The following GREM2 variants were observed in gnomAD, a reference collection of about 807,000 sequenced individuals.
The protein encoded by GREM2 is gremlin 2, DAN family BMP antagonist.
GREM2 carries 11 observed loss-of-function variants against 14.2 expected under a neutral mutation model. The observed-to-expected ratio is 0.78, with a 90% CI of 0.49 to 1.28. GREM2 has a LOEUF of 1.28. Ranked by LOEUF, GREM2 falls within the 50% of genes most tolerant of loss-of-function variation. GREM2 has a pLI of 0.00. For synonymous variants in GREM2, 98 were observed against 97.6 expected, an observed-to-expected ratio of 1.00 and a Z score of -0.02; for missense variants, 210 against 218.5, an observed-to-expected ratio of 0.96 and a Z score of 0.24.
chr1:240,502,278 A>G (rs1231955069), intron 1 of GREM2, among the ~76,000 whole-genome samples: 1 of 152,210 alleles, frequency 6.6e-6, no homozygotes, highest in Admixed American at 6.5e-5. Context: ...TACTTGCTGT[A>G]TGTTAGTTTG....
chr1:240,600,553 G>A (rs558894438), intron 1 of GREM2, among the ~76,000 whole-genome samples: 12 of 151,868 alleles, frequency 7.9e-5, no homozygotes, highest in South Asian at 2.1e-4. Context: ...GCACGGTCTC[G>A]GCTCACTACA....
intron 1 of GREM2, among the ~76,000 whole-genome samples, chr1:240,494,194 C>G (rs1211208755): frequency 6.6e-6 from 1 of 152,184 alleles, no homozygotes; most frequent in African/African-American, 2.4e-5. Flanking sequence ...CTCATTTCAT[C>G]CTAAAAATAG....
At chr1:240,528,356 A>G (rs866686989) in intron 1 of GREM2, among the ~76,000 whole-genome samples, 1 of 152,166 alleles carries the variant, frequency 6.6e-6, no homozygotes, top group African/African-American at 2.4e-5. Context: ...TGTGAATTTC[A>G]TGAAGCAGAG....
intron 1 of GREM2, among the ~76,000 whole-genome samples, chr1:240,503,165 G>T (rs529508861): frequency 2.6e-5 from 4 of 152,180 alleles, no homozygotes; most frequent in Non-Finnish European, 5.9e-5. Context: ...GTACTCAGCA[G>T]CCCTGGAACT....
At chr1:240,529,194 C>T (rs1400100275) in intron 1 of GREM2, among the ~76,000 whole-genome samples, 1 of 150,482 alleles carries the variant, frequency 6.6e-6, no homozygotes, top group Non-Finnish European at 1.5e-5. Flanking sequence ...TCATTAAAAT[C>T]CATCTTGTGC....
intron 1 of GREM2, among the ~76,000 whole-genome samples, chr1:240,590,459 C>T (rs1218998916): frequency 6.7e-5 from 9 of 134,180 alleles, no homozygotes; most frequent in African/African-American, 8.2e-5. Flanking sequence ...GATAGAGTTT[C>T]GTTCTTATGG....
intron 1 of GREM2, among the ~76,000 whole-genome samples, chr1:240,534,944 A>G (rs544802267): frequency 6.6e-6 from 1 of 152,166 alleles, no homozygotes; most frequent in South Asian, 2.1e-4. Context: ...ACACAGCAGG[A>G]CGAGTGGGTC....
chr1:240,496,838 C>T (rs9729770), intron 1 of GREM2, among the ~76,000 whole-genome samples: 12,759 of 152,108 alleles, frequency 0.084, 666 homozygotes, highest in African/African-American at 0.15. Context: ...GGTGAAACCC[C>T]GTCTCTACTA....
At chr1:240,609,643 G>A (rs1023546222) in intron 1 of GREM2, among the ~76,000 whole-genome samples, 2 of 152,064 alleles carry the variant, frequency 1.3e-5, no homozygotes, top group Non-Finnish European at 2.9e-5. Flanking sequence ...CTGAGAACAT[G>A]CCTGCAACCT....
At chr1:240,582,141 A>G (rs1679496789) in intron 1 of GREM2, among the ~76,000 whole-genome samples, 1 of 152,238 alleles carries the variant, frequency 6.6e-6, no homozygotes, top group South Asian at 2.1e-4. Flanking sequence ...ATAATTCATT[A>G]GAAGAGTTTA....
rs1451720821 is a variant in GREM2 at position 240,542,050 on chromosome 1, T to C, written c.-1-48574A>G. 6.6e-6 allele frequency among the ~76,000 whole-genome samples: 1 copy of C among 152,176 alleles called. No individual in the cohort carries two copies. Among genetic ancestry groups the C allele is most frequent in the Non-Finnish European group, 1.5e-5 (1 of 68,028 alleles). On this transcript the variant is annotated intron_variant, in intron 1 of 1. Transcript: ENST00000318160. This position sits in a 1 kb window ranked among gnomAD's most constrained non-coding sequence, Gnocchi z 4.1. ...TTGCCCCTCAGGGGACATTTGTCAATGTGTGGAGGCATTTTTGGTCATCAC... is the reference window on the plus strand; with the variant it reads ...TTGCCCCTCAGGGGACATTTGTCAACGTGTGGAGGCATTTTTGGTCATCAC...
chr1:240,557,582 T>A (rs1248647482), intron 1 of GREM2, among the ~76,000 whole-genome samples: 1 of 152,212 alleles, frequency 6.6e-6, no homozygotes, highest in East Asian at 1.9e-4. Flanking sequence ...ATAATGAATC[T>A]ATTTTTTTGT....
chr1:240,510,499 T>C (rs35060706), intron 1 of GREM2, among the ~76,000 whole-genome samples: 32,112 of 149,232 alleles, frequency 0.22, 3,492 homozygotes, highest in Admixed American at 0.26. Context: ...CCTTAATGAG[T>C]ACGGGGTTTC....
At chr1:240,590,412 T>C (rs913631392) in intron 1 of GREM2, among the ~76,000 whole-genome samples, 5 of 149,948 alleles carry the variant, frequency 3.3e-5, no homozygotes, top group African/African-American at 9.9e-5. Flanking sequence ...GAGGATTTTT[T>C]TACTTTTTCT....
chr1:240,541,633 A>G (rs1678590879), intron 1 of GREM2, among the ~76,000 whole-genome samples: 1 of 149,864 alleles, frequency 6.7e-6, no homozygotes, highest in Admixed American at 6.6e-5. Context: ...CAAAAATTTC[A>G]TGGGTTTTAT....
intron 1 of GREM2, among the ~76,000 whole-genome samples, chr1:240,562,529 C>T (rs1679060194): frequency 6.6e-6 from 1 of 152,178 alleles, no homozygotes; most frequent in Non-Finnish European, 1.5e-5. Context: ...TCAGTTTCAC[C>T]TTTCACCGAA....
chr1:240,506,423 T>TA (rs1677677952), intron 1 of GREM2, among the ~76,000 whole-genome samples: 1 of 152,198 alleles, frequency 6.6e-6, no homozygotes, highest in South Asian at 2.1e-4. Flanking sequence ...TGTTAAGTCT[T>TA]ACGCACCCTG....
Position 240,547,946 on chromosome 1 carries a change from G to A in GREM2, c.-1-54470C>T, listed in dbSNP as rs144847071. The stretch of plus-strand genomic sequence containing the variant: ...TGATGGGAGAAGAAAGAGAAAGGAA[G>A]GTAGGAGTGATAAATCAGTGTAAAG... On this transcript the variant is annotated intron_variant, in intron 1 of 1. Transcript: ENST00000318160. Among the ~76,000 whole-genome samples the A allele has an allele frequency of 3.2e-3, 489 of 152,030 alleles. 4 individuals carry two copies. The highest frequency in any genetic ancestry group is 0.011 in the African/African-American group (467 of 41,490).
intron 1 of GREM2, among the ~76,000 whole-genome samples, chr1:240,520,082 A>AAAAATAAATAAAATAAAATAAAAT (rs372597418): frequency 6.9e-6 from 1 of 144,334 alleles, no homozygotes; most frequent in East Asian, 2.0e-4. Context: ...CTCCATCCCA[A>AAAAATAAATAAAATAAAATAAAAT]AAAATAAAAT....
Sources: allele counts gnomAD v4.1 joint callset (sites outside exome capture counted in the v4.1 genomes callset), GRCh38; gene constraint gnomAD v4.1.1; non-coding constraint Gnocchi (gnomAD v3.1); transcripts MANE v1.5; gene names NCBI Gene and HGNC (gene_info 2026-07-23, HGNC 2026-07-21).